The following CLOCK variants were observed in gnomAD, a reference collection of about 807,000 sequenced individuals.
CLOCK encodes the protein circadian locomoter output cycles protein kaput.
Under a neutral mutation model 118.4 loss-of-function variants are expected in CLOCK, and 43 were observed. The ratio of observed to expected loss-of-function variants is 0.36; its 90% CI spans 0.28 to 0.47. CLOCK has a LOEUF of 0.47. Among genes scored for constraint, CLOCK ranks in the 20% least tolerant of loss-of-function variants. CLOCK has a pLI of 1.00. For synonymous variants in CLOCK, 326 were observed against 339.2 expected (o/e 0.96, Z 0.43); for missense variants, 846 against 999.9 (o/e 0.85, Z 2.08).
chr4:55,448,722 G>C, intron 18 of CLOCK, 57 bp downstream of exon 18: 1 of 1,353,224 alleles, frequency 7.4e-7, no homozygotes, highest in Non-Finnish European at 1.0e-6. Flanking sequence ...AATTACATTA[G>C]CTTAAAAGCA....
rs1420438833 is a variant in CLOCK, at chr4:55,430,279, A to G, written c.*5136T>C. 1 of 152,174 alleles carries G rather than the reference A, an allele frequency of 6.6e-6. No homozygotes were observed. The highest frequency in any genetic ancestry group is 1.9e-4 in the East Asian group (1 of 5,192). The allele number at this position is 152,174 out of a possible 1,614,324, so 9.4% of individuals were successfully genotyped here. On this transcript the variant is annotated 3_prime_UTR_variant, in exon 23 of 23. Transcript: ENST00000513440. ...AAACTATATCCTATTCCACTAAATA[A>G]TGTTTCCCTGAGGAAACCCAGGCAG...
intron 7 of CLOCK, among the ~76,000 whole-genome samples, chr4:55,474,382 G>A (rs1010526981): frequency 6.6e-5 from 10 of 152,222 alleles, no homozygotes; most frequent in African/African-American, 2.4e-4. Flanking sequence ...TATAAGGAAA[G>A]AGGCCATCTC....
intron 15 of CLOCK, among the ~76,000 whole-genome samples, chr4:55,451,051 AG>A (rs1459753222): frequency 5.9e-5 from 9 of 151,306 alleles, no homozygotes; most frequent in Admixed American, 4.6e-4. Flanking sequence ...AAAAAAAAAA[AG>A]GCAAAAAATT....
At chr4:55,544,199 C>CA (rs1731465817) in intron 1 of CLOCK, among the ~76,000 whole-genome samples, 4 of 145,262 alleles carry the variant, frequency 2.8e-5, no homozygotes, top group African/African-American at 1.0e-4. Context: ...CACACACACA[C>CA]CCCAATTTAC....
At chr4:55,436,353 C>T (rs557992318) in intron 22 of CLOCK, among the ~76,000 whole-genome samples, 1 of 152,260 alleles carries the variant, frequency 6.6e-6, no homozygotes, top group African/African-American at 2.4e-5. Context: ...CTGCCATTTA[C>T]ATAAGTAAGC....
chr4:55,464,348 T>C (rs1313397792), intron 8 of CLOCK, among the ~76,000 whole-genome samples: 1 of 152,224 alleles, frequency 6.6e-6, no homozygotes, highest in East Asian at 1.9e-4. Context: ...TTAGAATTCT[T>C]GTTAATACAC....
rs539635158 is a variant in CLOCK at position 55,515,825 on chromosome 4, G to T, written c.-289-5760C>A. Among the ~76,000 whole-genome samples the T allele has an allele frequency of 1.8e-4, 27 of 152,120 alleles. No individual in the cohort carries two copies. The South Asian group carries it at 5.6e-3, about 32-fold the overall frequency. On this transcript the variant is annotated intron_variant, in intron 1 of 22. Coordinates refer to ENST00000513440, the MANE Select transcript of CLOCK (RefSeq NM_004898.4). ...TTCCACGCTATAAATTTCCCTCTAG[G>T]CATTCCATTTGTTGCATCCCGCATA...
chr4:55,526,545 A>T (rs1165660765), intron 1 of CLOCK, among the ~76,000 whole-genome samples: 1 of 152,198 alleles, frequency 6.6e-6, no homozygotes, highest in African/African-American at 2.4e-5. Flanking sequence ...ACATTCAAGA[A>T]GGCAAAGAAA....
At chr4:55,528,375 T>A (rs191783430) in intron 1 of CLOCK, among the ~76,000 whole-genome samples, 1 of 151,716 alleles carries the variant, frequency 6.6e-6, no homozygotes, top group East Asian at 1.9e-4. Context: ...TAATTAAATA[T>A]ATTGAAGTAT....
intron 6 of CLOCK, among the ~76,000 whole-genome samples, chr4:55,476,888 T>C (rs918035851): frequency 1.3e-5 from 2 of 152,248 alleles, no homozygotes; most frequent in African/African-American, 4.8e-5. Flanking sequence ...TATACTCTAA[T>C]TTGTAGTAAG....
chr4:55,534,202 T>A (rs1456612681), intron 1 of CLOCK, among the ~76,000 whole-genome samples: 1 of 152,154 alleles, frequency 6.6e-6, no homozygotes, highest in Non-Finnish European at 1.5e-5. Flanking sequence ...AATACCAAAC[T>A]TGAAACGAGT....
At position 55,476,059 on chromosome 4, in the gene CLOCK, A is replaced by G; in HGVS notation, c.257-5T>C. ...CATCTGACTGTGCAGTGATTTCTGT[A>G]AACAGATTGACATATTAGTGGCATA... On this transcript the variant is annotated splice_polypyrimidine_tract_variant and splice_region_variant and intron_variant, in intron 6 of 22. Coordinates refer to ENST00000513440, the MANE Select transcript of CLOCK (RefSeq NM_004898.4). 3.7e-6 allele frequency: 6 copies of G among 1,604,630 alleles called. No individual in the cohort carries two copies. Among genetic ancestry groups the G allele is most frequent in the East Asian group, 2.2e-5 (1 of 44,788 alleles).
chr4:55,521,789 T>C (rs914958763), intron 1 of CLOCK, among the ~76,000 whole-genome samples: 4 of 152,218 alleles, frequency 2.6e-5, no homozygotes, highest in African/African-American at 9.6e-5. Context: ...ATATCTTATA[T>C]TGATTTGTGT....
chr4:55,499,631 T>C (rs1278298468), intron 2 of CLOCK, among the ~76,000 whole-genome samples: 1 of 152,252 alleles, frequency 6.6e-6, no homozygotes, highest in Non-Finnish European at 1.5e-5. Flanking sequence ...TACCTCCTGC[T>C]GTGCGGCCTG....
intron 21 of CLOCK, 60 bp downstream of exon 21, chr4:55,442,372 A>C (rs113449347): frequency 2.1e-6 from 3 of 1,420,232 alleles, no homozygotes; most frequent in African/African-American, 1.4e-5. Context: ...AAATCAAATT[A>C]TTGTTTTCTA....
chr4:55,527,172 A>G (rs535080034), intron 1 of CLOCK, among the ~76,000 whole-genome samples: 115 of 152,296 alleles, frequency 7.6e-4, no homozygotes, highest in African/African-American at 2.7e-3. Context: ...TGCGGTAATC[A>G]TATTTAGAAA....
rs375387610 is a variant in CLOCK at position 55,534,182 on chromosome 4, TCAGTGCAA to T, written c.-290+12592_-290+12599del. Among the ~76,000 whole-genome samples, 995 of 152,240 alleles carry T rather than the reference TCAGTGCAA, an allele frequency of 6.5e-3. 17 individuals carry two copies. Among genetic ancestry groups the T allele is most frequent in the African/African-American group, 0.022 (925 of 41,546 alleles). ...AATATGCAGCGAGTCAAGTGGAGCA[TCAGTGCAA>T]CAATACCAAACTTGAAACGAGTGCT... is the stretch of plus-strand genomic sequence containing the variant. On this transcript the variant is annotated intron_variant, in intron 1 of 22. Transcript: ENST00000513440.
intron 14 of CLOCK, 32 bp downstream of exon 14, chr4:55,453,645 G>T: frequency 6.3e-7 from 1 of 1,589,790 alleles, no homozygotes; most frequent in Non-Finnish European, 8.6e-7. Context: ...GGATGTTACA[G>T]TAATTCAGAA....
chr4:55,469,360 T>C (rs1725962878), intron 8 of CLOCK, among the ~76,000 whole-genome samples: 1 of 152,118 alleles, frequency 6.6e-6, no homozygotes, highest in Non-Finnish European at 1.5e-5. Flanking sequence ...CTCCCAAAAG[T>C]GCAGGGATTA....
Sources: allele counts gnomAD v4.1 joint callset (sites outside exome capture counted in the v4.1 genomes callset), GRCh38; gene constraint gnomAD v4.1.1; transcripts MANE v1.5; gene names NCBI Gene and HGNC (gene_info 2026-07-23, HGNC 2026-07-21).